Variants in SH3PXD2A observed in about 807,000 individuals in gnomAD.
SH3PXD2A encodes SH3 and PX domain-containing protein 2A.
Under a neutral mutation model 115.2 loss-of-function variants are expected in SH3PXD2A, and 32 were observed. That is an observed-to-expected ratio of 0.28 (90% CI 0.21 to 0.37). The LOEUF is 0.37. Among genes scored for constraint, SH3PXD2A ranks in the 10% least tolerant of loss-of-function variants. The probability of loss-of-function intolerance (pLI) is 1.00; values close to 1 mark genes in which losing one functional copy is unlikely to be tolerated. For synonymous variants in SH3PXD2A, 610 were observed against 629.1 expected, an observed-to-expected ratio of 0.97 and a Z score of 0.45; for missense variants, 1,328 against 1,498.7, an observed-to-expected ratio of 0.89 and a Z score of 1.88.
intron 1 of SH3PXD2A, among the ~76,000 whole-genome samples, chr10:103,811,366 GC>G (rs1440269042): frequency 6.6e-6 from 1 of 152,238 alleles, no homozygotes; most frequent in East Asian, 1.9e-4. Flanking sequence ...TAATGGCCAT[GC>G]CAATGTATTG....
rs966378432 is a variant in SH3PXD2A, at chr10:103,620,171, C to T, written c.802+2299G>A. 5.9e-5 allele frequency among the ~76,000 whole-genome samples: 9 copies of T among 152,248 alleles called. No individual in the cohort carries two copies. Among genetic ancestry groups the T allele is most frequent in the African/African-American group, 1.9e-4 (8 of 41,538 alleles). On this transcript the variant is annotated intron_variant, in intron 10 of 14. Transcript: ENST00000369774. The surrounding 1 kb of genome is among the most constrained non-coding windows in gnomAD (Gnocchi z 5.3). The stretch of plus-strand genomic sequence containing the variant: ...GTCAGGGTCTTGGGAAGAGATGTCC[C>T]GTCGGAAATGGGGTTGAGGGAAGGG...
intron 1 of SH3PXD2A, among the ~76,000 whole-genome samples, chr10:103,826,815 G>A (rs1007295952): frequency 2.6e-5 from 4 of 152,218 alleles, no homozygotes; most frequent in Non-Finnish European, 5.9e-5. Context: ...CTTAATAAAT[G>A]CTGGTTGGAA....
chr10:103,723,771 A>G (rs1194028599), intron 5 of SH3PXD2A, among the ~76,000 whole-genome samples: 1 of 152,340 alleles, frequency 6.6e-6, no homozygotes, highest in East Asian at 1.9e-4. Flanking sequence ...TGCTATACAT[A>G]AAAGATACTG....
At chr10:103,831,702 GT>G (rs945113837) in intron 1 of SH3PXD2A, among the ~76,000 whole-genome samples, 1 of 152,058 alleles carries the variant, frequency 6.6e-6, no homozygotes, top group Non-Finnish European at 1.5e-5. Context: ...GCAATTCAGT[GT>G]TTTTTTAGTA....
At chr10:103,725,838 T>A (rs910061881) in intron 4 of SH3PXD2A, among the ~76,000 whole-genome samples, 1 of 151,150 alleles carries the variant, frequency 6.6e-6, no homozygotes, top group Admixed American at 6.6e-5. Flanking sequence ...CAAAAAAATA[T>A]AAATAAATAA....
chr10:103,820,675 G>A (rs375962726), intron 1 of SH3PXD2A, among the ~76,000 whole-genome samples: 35 of 152,246 alleles, frequency 2.3e-4, no homozygotes, highest in African/African-American at 8.4e-4. Flanking sequence ...GCAGGGAAAG[G>A]CGTGAGCTAT....
Position 103,637,064 on chromosome 10 carries a change from C to T in SH3PXD2A, c.605-9862G>A, listed in dbSNP as rs534280318. On this transcript the variant is annotated intron_variant, in intron 8 of 14. Transcript: ENST00000369774. ...GAGATTTTCACCAGCAAGTATTTCC[C>T]GAGCACCTGGTACGGGCCAGGTCCT... Among the ~76,000 whole-genome samples, 25 of 152,302 alleles carry T rather than the reference C, an allele frequency of 1.6e-4. No homozygotes were observed. The South Asian group carries it at 3.7e-3, about 23-fold the overall frequency.
At chr10:103,607,500 G>A (rs1392722195) in intron 13 of SH3PXD2A, among the ~76,000 whole-genome samples, 18 of 151,174 alleles carry the variant, frequency 1.2e-4, no homozygotes, top group African/African-American at 2.9e-4. Context: ...CCCTCTGCCC[G>A]GCCAGCCGCC....
intron 1 of SH3PXD2A, among the ~76,000 whole-genome samples, chr10:103,840,540 G>A (rs2039587105): frequency 6.6e-6 from 1 of 152,230 alleles, no homozygotes; most frequent in Non-Finnish European, 1.5e-5. Context: ...CTGAACGTAA[G>A]GTCTACAGAC....
intron 3 of SH3PXD2A, among the ~76,000 whole-genome samples, chr10:103,739,754 C>T (rs2038423142): frequency 6.6e-6 from 1 of 152,200 alleles, no homozygotes; most frequent in East Asian, 1.9e-4. Context: ...GGGCATGAGA[C>T]AGACCTAACT....
intron 5 of SH3PXD2A, chr10:103,693,747 G>A (rs935573250): frequency 6.6e-6 from 1 of 152,304 alleles, no homozygotes; most frequent in African/African-American, 2.4e-5. Flanking sequence ...CTTCTCAAAG[G>A]CTACAGCTGG....
chr10:103,681,035 C>A (rs930697923), intron 6 of SH3PXD2A, among the ~76,000 whole-genome samples: 1 of 152,230 alleles, frequency 6.6e-6, no homozygotes, highest in Non-Finnish European at 1.5e-5. Context: ...AAGTGAGGAA[C>A]CAGTGACTTT....
intron 1 of SH3PXD2A, among the ~76,000 whole-genome samples, chr10:103,830,932 G>C (rs894944611): frequency 6.6e-6 from 1 of 152,126 alleles, no homozygotes; most frequent in African/African-American, 2.4e-5. Flanking sequence ...GTGAGAATAC[G>C]CAATAAATTG....
intron 2 of SH3PXD2A, among the ~76,000 whole-genome samples, chr10:103,782,936 G>GC (rs56334613): frequency 0.12 from 18,836 of 151,238 alleles, 1,730 homozygotes; most frequent in East Asian, 0.29. Flanking sequence ...CATGCCTTGG[G>GC]GGGGGGGGCT....
chr10:103,839,574 GC>G (rs1204471684), intron 1 of SH3PXD2A, among the ~76,000 whole-genome samples: 3 of 151,374 alleles, frequency 2.0e-5, no homozygotes, highest in African/African-American at 4.9e-5. Flanking sequence ...CTCCCCCAAG[GC>G]CACACAGCCC....
intron 2 of SH3PXD2A, among the ~76,000 whole-genome samples, chr10:103,767,783 C>T (rs548361686): frequency 6.7e-6 from 1 of 150,150 alleles, no homozygotes; most frequent in African/African-American, 2.5e-5. Flanking sequence ...GGAAGAGTTT[C>T]CAGGGTTCTG....
chr10:103,661,862 C>T, intron 7 of SH3PXD2A: 1 of 985,208 alleles, frequency 1.0e-6, no homozygotes, highest in Non-Finnish European at 1.2e-6. Flanking sequence ...TTACTTGAAA[C>T]CCAAGAAGAA....
chr10:103,790,253 C>G (rs984314412), intron 2 of SH3PXD2A, among the ~76,000 whole-genome samples: 1 of 151,848 alleles, frequency 6.6e-6, no homozygotes, highest in African/African-American at 2.4e-5. Context: ...CTCCCGGGTT[C>G]AAGCCATTCT....
chr10:103,812,007 T>C (rs2039275690), intron 1 of SH3PXD2A, among the ~76,000 whole-genome samples: 1 of 152,206 alleles, frequency 6.6e-6, no homozygotes, highest in Non-Finnish European at 1.5e-5. Flanking sequence ...CACTTATGAA[T>C]TTTAGTCTCT....
Sources: gnomAD v4.1 joint callset for allele counts (sites outside exome capture counted in the v4.1 genomes callset) on GRCh38, gnomAD v4.1.1 for gene constraint, Gnocchi (gnomAD v3.1) non-coding constraint, MANE v1.5 for transcripts, NCBI Gene and HGNC (gene_info 2026-07-23, HGNC 2026-07-21) for gene names.